Variants in SDCBP2 observed in about 807,000 individuals in gnomAD.
SDCBP2 encodes syntenin-2.
A neutral mutation model predicts 30.7 loss-of-function variants in SDCBP2; 28 were observed. That is an observed-to-expected ratio of 0.91 (90% CI 0.68 to 1.25). SDCBP2 has a LOEUF of 1.25. SDCBP2 is among the 50% of genes most tolerant of loss of function. SDCBP2 has a pLI of 0.00. For missense variants in SDCBP2, 399 were observed against 379.0 expected (o/e 1.05, Z -0.44); for synonymous variants, 166 against 157.3 (o/e 1.06, Z -0.41).
chr20:1,314,469 A>G (rs2088738497), intron 4 of SDCBP2, among the ~76,000 whole-genome samples: 1 of 117,514 alleles, frequency 8.5e-6, no homozygotes, highest in Non-Finnish European at 1.7e-5. Flanking sequence ...AGCCTAGGTG[A>G]CAGAGCAAGA....
Position 1,313,341 on chromosome 20 carries a change from T to C in SDCBP2, c.383A>G (p.Gln128Arg), listed in dbSNP as rs2088713362. The change falls in exon 5 of 9, where the codon CAG becomes CGG. Residue 128 changes from glutamine to arginine, a missense_variant and splice_region_variant. Gln to Arg is a conservative substitution (Grantham distance 43). Transcript: ENST00000360779. The surrounding 1 kb of genome is among the most constrained non-coding windows in gnomAD (Gnocchi z 5.2). ...TCCCACCCAGCCCCCGCGCCCTACC[T>C]GGTCGACCTTCCGCAGCCTCAGCCC... ...KTGLRLRKVD[Q>R]GLFVQLVQAN... is the part of the protein sequence containing the mutation. The C allele has an allele frequency of 1.9e-6, 3 of 1,610,986 alleles. No individual in the cohort carries two copies. Among genetic ancestry groups the C allele is most frequent in the Non-Finnish European group, 2.5e-6 (3 of 1,179,518 alleles).
chr20:1,313,021 G>C lies in SDCBP2; in HGVS notation c.385-259C>G. On this transcript the variant is annotated intron_variant, in intron 5 of 8. Transcript: ENST00000360779. The surrounding 1 kb of genome is among the most constrained non-coding windows in gnomAD (Gnocchi z 5.2). ...AACACTCCACTGTACCATTCACAAA[G>C]GCATGGGCTTCCCTGGCGTCGGCTG... The C allele has an allele frequency of 1.7e-6, 1 of 587,442 alleles. No homozygotes were observed. The highest frequency in any genetic ancestry group is 3.0e-6 in the Non-Finnish European group (1 of 331,000). 36.4% of individuals were successfully genotyped at this position (587,442 alleles called of 1,614,324 possible).
At chr20:1,316,543 C>A (rs1335541246) in intron 4 of SDCBP2, among the ~76,000 whole-genome samples, 3 of 152,166 alleles carry the variant, frequency 2.0e-5, no homozygotes, top group Admixed American at 6.5e-5. Flanking sequence ...GCACAAGCCA[C>A]CATACCTGGC....
chr20:1,313,482 G>T lies in SDCBP2; in HGVS notation c.242C>A (p.Pro81His). ...PEGDSTAVSG[P>H]GPGQMVAPVT... ...CGGTGCCACCATCTGGCCGGGCCCG[G>T]GGCCCGAGACCGCTGTCTGCAGACA... is the stretch of plus-strand genomic sequence containing the variant. The change falls in exon 5 of 9, where the codon CCC becomes CAC. Residue 81 changes from proline to histidine, a missense_variant. Coordinates refer to ENST00000360779, the MANE Select transcript of SDCBP2 (RefSeq NM_080489.5). The surrounding 1 kb of genome is among the most constrained non-coding windows in gnomAD (Gnocchi z 5.2). The T allele has an allele frequency of 6.3e-7, 1 of 1,592,890 alleles. No homozygotes were observed. The highest frequency in any genetic ancestry group is 2.3e-5 in the East Asian group (1 of 44,256).
At position 1,320,375 on chromosome 20, in the gene SDCBP2, G is replaced by A. The variant is rs967616629; in HGVS notation, c.42C>T (p.Asp14=). ...CCTGGCGACTTACCTGAATGGCTTG[G>A]TCCACTTTTAGGTCCTCTAGAGATG... ...LYPSLEDLKV[D]QAIQAQVRAS... Residue 14 remains aspartate (D), a synonymous_variant, in exon 2 of 9, where the codon GAC becomes GAT. Coordinates refer to ENST00000360779, the MANE Select transcript of SDCBP2 (RefSeq NM_080489.5). The surrounding 1 kb of genome is among the most constrained non-coding windows in gnomAD (Gnocchi z 4.7). The A allele has an allele frequency of 6.2e-7, 1 of 1,613,904 alleles. No individual in the cohort carries two copies. The highest frequency in any genetic ancestry group is 1.3e-5 in the African/African-American group (1 of 74,930).
chr20:1,320,408 G>T lies in SDCBP2; in HGVS notation c.9C>A (p.Ser3=), dbSNP rs1483611525. ...TTAGGTCCTCTAGAGATGGGTACAGGGATGACATGGCTGATTCTCAGAACA... is the reference window on the plus strand; with the variant it reads ...TTAGGTCCTCTAGAGATGGGTACAGTGATGACATGGCTGATTCTCAGAACA... MS[S]LYPSLEDLKV... Residue 3 remains serine, a synonymous_variant, in exon 2 of 9, where the codon TCC becomes TCA. Transcript: ENST00000360779. This position sits in a 1 kb window ranked among gnomAD's most constrained non-coding sequence, Gnocchi z 4.7. The T allele has an allele frequency of 6.2e-7, 1 of 1,613,814 alleles. No homozygotes were observed. The highest frequency in any genetic ancestry group is 1.3e-5 in the African/African-American group (1 of 74,934).
rs1442489243 is a variant in SDCBP2, at chr20:1,320,963, C to T, written c.-19-528G>A. The T allele has an allele frequency of 6.6e-6, 1 of 152,500 alleles. No individual in the cohort carries two copies. Among genetic ancestry groups the T allele is most frequent in the Non-Finnish European group, 1.5e-5 (1 of 68,250 alleles). 9.4% of individuals were successfully genotyped at this position (152,500 alleles called of 1,614,324 possible). ...TGGGTTCCTTCCCTTTACTCACTAACCACTGGCTCTGTCACACCTCCAGGC... is the reference window on the plus strand; with the variant it reads ...TGGGTTCCTTCCCTTTACTCACTAATCACTGGCTCTGTCACACCTCCAGGC... On this transcript the variant is annotated intron_variant, in intron 1 of 8. Transcript: ENST00000360779. The surrounding 1 kb of genome is among the most constrained non-coding windows in gnomAD (Gnocchi z 4.7).
rs967048969 is a variant in SDCBP2 at position 1,320,226 on chromosome 20, C to T, written c.54+137G>A. 2.7e-6 allele frequency: 2 copies of T among 732,906 alleles called. No homozygotes were observed. Among genetic ancestry groups the T allele is most frequent in the Non-Finnish European group, 4.6e-6 (2 of 432,190 alleles). The allele number at this position is 732,906 out of a possible 1,614,324, so 45.4% of individuals were successfully genotyped here. ...TTGCCCCCTGGATGTCTTCTCTGCC[C>T]AGCAGGCCCTGCAGTGGACACCTAC... On this transcript the variant is annotated intron_variant, in intron 2 of 8. Coordinates refer to ENST00000360779, the MANE Select transcript of SDCBP2 (RefSeq NM_080489.5). The surrounding 1 kb of genome is among the most constrained non-coding windows in gnomAD (Gnocchi z 4.7).
rs370328535 is a variant in SDCBP2 at position 1,319,645 on chromosome 20, G to A, written c.69C>T (p.Ala23=). 990 of 1,567,504 alleles carry A rather than the reference G, an allele frequency of 6.3e-4. 1 individual carries two copies. Among genetic ancestry groups the A allele is most frequent in the Admixed American group, 1.1e-3 (55 of 51,932 alleles). ...CTGGCAGGGCTGGCATCTTGGGTGA[G>A]GCTCTGACCTGGGCCTGGGGAGGAG... is the stretch of plus-strand genomic sequence containing the variant. ...VDQAIQAQVR[A]SPKMPALPVQ... is the part of the protein sequence containing the mutation. Residue 23 remains alanine, a synonymous_variant, in exon 3 of 9, where the codon GCC becomes GCT. Coordinates refer to ENST00000360779, the MANE Select transcript of SDCBP2 (RefSeq NM_080489.5).
rs1157507111 is a variant in SDCBP2, at chr20:1,313,500, T to G, written c.226-2A>C. 2 of 1,584,364 alleles carry G rather than the reference T, an allele frequency of 1.3e-6. No homozygotes were observed. Among genetic ancestry groups the G allele is most frequent in the African/African-American group, 1.3e-5 (1 of 74,680 alleles). On this transcript the variant is annotated splice_acceptor_variant, in intron 4 of 8. Coordinates refer to ENST00000360779, the MANE Select transcript of SDCBP2 (RefSeq NM_080489.5). LOFTEE classifies it high-confidence loss of function. The surrounding 1 kb of genome is among the most constrained non-coding windows in gnomAD (Gnocchi z 5.2). Reference sequence around the variant, plus strand: ...GGGCCCGGGGCCCGAGACCGCTGTCTGCAGACACCAGGGGGCAGGGGGTCA... The same window carrying G: ...GGGCCCGGGGCCCGAGACCGCTGTCGGCAGACACCAGGGGGCAGGGGGTCA...
chr20:1,316,520 G>A (rs1347800624), intron 4 of SDCBP2, among the ~76,000 whole-genome samples: 1 of 152,152 alleles, frequency 6.6e-6, no homozygotes, highest in Non-Finnish European at 1.5e-5. Flanking sequence ...CTCCTGAGTA[G>A]CTGGGGCTAC....
intron 1 of SDCBP2, chr20:1,322,955 A>T (rs2088867564): frequency 6.6e-6 from 1 of 152,200 alleles, no homozygotes; most frequent in South Asian, 2.1e-4. Context: ...ATTGAAAAAA[A>T]TATAAACATT....
chr20:1,316,834 A>G (rs1281502219), intron 4 of SDCBP2, among the ~76,000 whole-genome samples: 1 of 152,238 alleles, frequency 6.6e-6, no homozygotes, highest in Non-Finnish European at 1.5e-5. Flanking sequence ...AAAAACTGGG[A>G]ACAACTTAGC....
intron 1 of SDCBP2, chr20:1,322,691 CT>C (rs1358822252): frequency 1.3e-5 from 2 of 152,262 alleles, no homozygotes; most frequent in Admixed American, 1.3e-4. Flanking sequence ...CCCACCTCAG[CT>C]TCCCAAGTAG....
chr20:1,310,378 G>A lies in SDCBP2; in HGVS notation c.*63C>T, dbSNP rs2088642138. The A allele has an allele frequency of 6.5e-6, 10 of 1,534,936 alleles. No homozygotes were observed. The East Asian group carries it at 1.3e-4, about 21-fold the overall frequency. The stretch of plus-strand genomic sequence containing the variant: ...GCCGGCTGCAACCCATCATCCGAGG[G>A]TGGTTGCCCTTTGCTGCAGGAGGGC... On this transcript the variant is annotated 3_prime_UTR_variant, in exon 9 of 9. Transcript: ENST00000360779.
chr20:1,312,917 G>A (rs1342973121), intron 5 of SDCBP2, 155 bp from the exon 6 acceptor site: 6 of 791,528 alleles, frequency 7.6e-6, no homozygotes, highest in African/African-American at 1.7e-5. Flanking sequence ...CCCATTTACC[G>A]GGGAGGAAAC....
At position 1,310,465 on chromosome 20, in the gene SDCBP2, C is replaced by T. The variant is rs1031892667; in HGVS notation, c.855G>A (p.Met285Ile). 7 of 1,613,658 alleles carry T rather than the reference C, an allele frequency of 4.3e-6. 1 individual carries two copies. The highest frequency in any genetic ancestry group is 4.0e-5 in the African/African-American group (3 of 75,044). The change falls in exon 9 of 9, where the codon ATG (methionine) becomes ATA (isoleucine). Residue 285 changes from methionine to isoleucine, a missense_variant. Transcript: ENST00000360779. ...TTCAGGCATCTGGGATGGAGTGGTC[C>T]ATGGTGTGGTGGAGCAGGACTGGAG... ...KLPPVLLHHT[M>I]DHSIPDA is the part of the protein sequence containing the mutation.
chr20:1,318,666 C>T (rs1600281693), intron 3 of SDCBP2, among the ~76,000 whole-genome samples: 1 of 152,216 alleles, frequency 6.6e-6, no homozygotes, highest in East Asian at 1.9e-4. Context: ...CTTTATTTGA[C>T]ACCCAGAAAC....
intron 1 of SDCBP2, among the ~76,000 whole-genome samples, chr20:1,328,253 T>C (rs1469052177): frequency 6.6e-6 from 1 of 152,106 alleles, no homozygotes; most frequent in East Asian, 1.9e-4. Flanking sequence ...GTGAGGACTT[T>C]GGCATTTACT....
Sources: allele counts gnomAD v4.1 joint callset (sites outside exome capture counted in the v4.1 genomes callset), GRCh38; gene constraint gnomAD v4.1.1; non-coding constraint Gnocchi (gnomAD v3.1); transcripts MANE v1.5; gene names NCBI Gene and HGNC (gene_info 2026-07-23, HGNC 2026-07-21).